Variants in ALDH1A2 observed in about 807,000 individuals in gnomAD.
ALDH1A2 encodes retinal dehydrogenase 2.
ALDH1A2 carries 27 observed loss-of-function variants against 60.3 expected under a neutral mutation model. That is an observed-to-expected ratio of 0.45 (90% confidence interval 0.33 to 0.62). The LOEUF (loss-of-function observed/expected upper bound fraction) is 0.62. Ranked by LOEUF, ALDH1A2 falls within the 20% of genes least tolerant of loss-of-function variation. ALDH1A2 has a pLI of 0.02. For synonymous variants in ALDH1A2, 289 were observed against 232.4 expected (o/e 1.24, Z -2.21); for missense variants, 581 against 643.8 (o/e 0.90, Z 1.06).
Position 57,964,014 on chromosome 15 carries a change from G to C in ALDH1A2, c.957C>G (p.Cys319Trp), listed in dbSNP as rs1323724555. Reference sequence around the variant, plus strand: ...CGAAGATGCGAGAGCCTGCAGTGCAGCACTGACCTTGATTGAAGAACACAC... The same window carrying C: ...CGAAGATGCGAGAGCCTGCAGTGCACCACTGACCTTGATTGAAGAACACAC... ...HQGVFFNQGQ[C>W]CTAGSRIFVE... Residue 319 changes from cysteine to tryptophan, a missense_variant, in exon 9 of 13, where the codon TGC becomes TGG. Cys to Trp is a radical substitution (Grantham distance 215). Around this residue, in one of 2 missense-constraint regions of ALDH1A2, gnomAD observed 375 missense variants for 469.7 expected, o/e 0.80. Coordinates refer to ENST00000249750, the MANE Select transcript of ALDH1A2 (RefSeq NM_003888.4). The C allele has an allele frequency of 6.2e-7, 1 of 1,614,034 alleles. No individual in the cohort carries two copies. The highest frequency in any genetic ancestry group is 1.7e-5 in the Admixed American group (1 of 60,000).
intron 12 of ALDH1A2, among the ~76,000 whole-genome samples, chr15:57,959,797 AC>A (rs1249056872): frequency 6.6e-6 from 1 of 152,176 alleles, no homozygotes; most frequent in African/African-American, 2.4e-5. Context: ...AGCTATACCT[AC>A]TTTATAGTTT....
chr15:57,976,070 T>C (rs1894245462), intron 7 of ALDH1A2, among the ~76,000 whole-genome samples: 1 of 152,206 alleles, frequency 6.6e-6, no homozygotes, highest in South Asian at 2.1e-4. Context: ...GCCATATATC[T>C]CTTTGTTGTC....
chr15:57,979,095 T>A (rs1322610927), intron 7 of ALDH1A2, among the ~76,000 whole-genome samples: 1 of 152,046 alleles, frequency 6.6e-6, no homozygotes, highest in Non-Finnish European at 1.5e-5. Context: ...CCACTCAGCA[T>A]CCACTTCCTT....
Position 58,043,890 on chromosome 15 carries a change from G to A in ALDH1A2, c.117+21644C>T, listed in dbSNP as rs138293928. Among the ~76,000 whole-genome samples the A allele has an allele frequency of 7.9e-5, 12 of 152,062 alleles. No individual in the cohort carries two copies. The East Asian group carries it at 2.3e-3, about 30-fold the overall frequency. The stretch of plus-strand genomic sequence containing the variant: ...AGGCTCCTTTGGTTAGGAAGAGACA[G>A]ATTCACAGAGCTGTACAGGGTCTTA... On this transcript the variant is annotated intron_variant, in intron 1 of 12. Coordinates refer to ENST00000249750, the MANE Select transcript of ALDH1A2 (RefSeq NM_003888.4).
At chr15:58,024,760 T>G (rs781223394) in intron 1 of ALDH1A2, among the ~76,000 whole-genome samples, 6 of 152,160 alleles carry the variant, frequency 3.9e-5, no homozygotes, top group Non-Finnish European at 7.4e-5. Context: ...CATCAGCACA[T>G]GCAATATTCT....
At chr15:58,032,405 A>G (rs1471586805) in intron 1 of ALDH1A2, among the ~76,000 whole-genome samples, 7 of 152,162 alleles carry the variant, frequency 4.6e-5, no homozygotes, top group Admixed American at 6.6e-5. Flanking sequence ...ACCTAATGTT[A>G]AATGAGTAGT....
chr15:58,011,126 T>C (rs1231003006), intron 3 of ALDH1A2, among the ~76,000 whole-genome samples: 2 of 152,188 alleles, frequency 1.3e-5, no homozygotes, highest in African/African-American at 4.8e-5. Flanking sequence ...TTTTGGCATC[T>C]ACACCAGTAA....
At position 57,998,817 on chromosome 15, in the gene ALDH1A2, T is replaced by A. The variant is rs531933513; in HGVS notation, c.494-3678A>T. ...TTCAAACTATACTACAAGGCTACAG[T>A]AACCAAAACAACATGGTACTGGTAC... is the stretch of plus-strand genomic sequence containing the variant. On this transcript the variant is annotated intron_variant, in intron 4 of 12. Coordinates refer to ENST00000249750, the MANE Select transcript of ALDH1A2 (RefSeq NM_003888.4). Among the ~76,000 whole-genome samples, 155 of 152,160 alleles carry A rather than the reference T, an allele frequency of 1.0e-3. 1 individual carries two copies. Among genetic ancestry groups the A allele is most frequent in the African/African-American group, 3.6e-3 (148 of 41,534 alleles).
intron 4 of ALDH1A2, among the ~76,000 whole-genome samples, chr15:57,999,159 A>C (rs1415787605): frequency 6.6e-6 from 1 of 152,156 alleles, no homozygotes; most frequent in Non-Finnish European, 1.5e-5. Context: ...GCATGATGAA[A>C]ACGTCAAAAG....
chr15:57,958,099 T>C (rs147411286), intron 12 of ALDH1A2, among the ~76,000 whole-genome samples: 1 of 152,322 alleles, frequency 6.6e-6, no homozygotes, highest in Non-Finnish European at 1.5e-5. Flanking sequence ...TCCTGGGTCC[T>C]ATCGCAGATC....
At position 57,993,081 on chromosome 15, in the gene ALDH1A2, GA is replaced by G; in HGVS notation, c.556-9del. On this transcript the variant is annotated splice_polypyrimidine_tract_variant and intron_variant, in intron 5 of 12. Transcript: ENST00000249750. ...CAGCAGGGGGAAGTTCCACTGAAAG[GA>G]AAAAACTCAAAGTTGATAGATGGAA... is the stretch of plus-strand genomic sequence containing the variant. 2 of 1,611,576 alleles carry G rather than the reference GA, an allele frequency of 1.2e-6. No homozygotes were observed. The highest frequency in any genetic ancestry group is 1.7e-6 in the Non-Finnish European group (2 of 1,179,848).
chr15:57,987,431 T>C (rs1894741247), intron 7 of ALDH1A2, among the ~76,000 whole-genome samples: 1 of 152,136 alleles, frequency 6.6e-6, no homozygotes, highest in Non-Finnish European at 1.5e-5. Flanking sequence ...GAAACATTAC[T>C]TACCGTAAAA....
At chr15:57,965,903 C>T (rs1893881374) in intron 7 of ALDH1A2, 76 bp from the exon 8 acceptor site, 1 of 1,114,210 alleles carries the variant, frequency 9.0e-7, no homozygotes. Flanking sequence ...CAGCTCAGGG[C>T]ATCAATGGGA....
chr15:57,962,212 CCTT>C (rs779176189), intron 9 of ALDH1A2, 36 bp from the exon 10 acceptor site: 114 of 1,607,442 alleles, frequency 7.1e-5, no homozygotes, highest in Non-Finnish European at 8.9e-5. Flanking sequence ...CCAAATATAA[CCTT>C]CTATGAAAAT....
At chr15:58,004,069 T>C (rs1566945250) in intron 4 of ALDH1A2, among the ~76,000 whole-genome samples, 1 of 151,860 alleles carries the variant, frequency 6.6e-6, no homozygotes, top group African/African-American at 2.4e-5. Flanking sequence ...GGGAGAAATT[T>C]CCAATTCAGA....
chr15:57,983,567 T>C (rs976109931), intron 7 of ALDH1A2, among the ~76,000 whole-genome samples: 6 of 152,246 alleles, frequency 3.9e-5, no homozygotes, highest in Non-Finnish European at 8.8e-5. Context: ...TTCATTCAAA[T>C]GTAAATATCT....
chr15:58,053,083 C>T (rs905033929), intron 1 of ALDH1A2, among the ~76,000 whole-genome samples: 5 of 151,936 alleles, frequency 3.3e-5, no homozygotes. Flanking sequence ...GCCATGATAC[C>T]GGCTCTCATA....
chr15:58,064,750 T>G (rs1897129070), intron 1 of ALDH1A2, among the ~76,000 whole-genome samples: 1 of 152,154 alleles, frequency 6.6e-6, no homozygotes, highest in Non-Finnish European at 1.5e-5. Flanking sequence ...TATGTCGAAT[T>G]TGTGGAAAGT....
At chr15:57,963,243 T>A (rs927602058) in intron 9 of ALDH1A2, among the ~76,000 whole-genome samples, 1 of 152,138 alleles carries the variant, frequency 6.6e-6, no homozygotes, top group Non-Finnish European at 1.5e-5. Context: ...GTTCAGTGAT[T>A]GGAAGGACTG....
Sources: gnomAD v4.1 joint callset for allele counts (sites outside exome capture counted in the v4.1 genomes callset) on GRCh38, gnomAD v4.1.1 for gene constraint, gnomAD v4.1.1 regional missense constraint, MANE v1.5 for transcripts, NCBI Gene and HGNC (gene_info 2026-07-23, HGNC 2026-07-21) for gene names.